The following UBE2D1 variants were observed in gnomAD, a reference collection of about 807,000 sequenced individuals.
UBE2D1 encodes ubiquitin conjugating enzyme E2 D1.
Under a neutral mutation model 24.6 loss-of-function variants are expected in UBE2D1, and 9 were observed. The ratio of observed to expected loss-of-function variants is 0.37; its 90% CI spans 0.22 to 0.64. The LOEUF (loss-of-function observed/expected upper bound fraction) is 0.64. Among genes scored for constraint, UBE2D1 ranks in the 30% least tolerant of loss-of-function variants. The pLI, the probability that UBE2D1 is intolerant of heterozygous loss-of-function variation, is 0.64. For missense variants in UBE2D1, 87 were observed against 177.1 expected, an observed-to-expected ratio of 0.49 and a Z score of 2.89; for synonymous variants, 57 against 57.6, an observed-to-expected ratio of 0.99 and a Z score of 0.04.
chr10:58,346,029 T>A (rs1052995767), intron 1 of UBE2D1, among the ~76,000 whole-genome samples: 6 of 149,110 alleles, frequency 4.0e-5, no homozygotes, highest in African/African-American at 1.0e-4. Context: ...TTTTTTTTTT[T>A]AGACGGAGTC....
intron 1 of UBE2D1, among the ~76,000 whole-genome samples, chr10:58,352,745 T>A (rs1369330008): frequency 6.6e-6 from 1 of 152,202 alleles, no homozygotes; most frequent in East Asian, 1.9e-4. Context: ...ATCACCTTAC[T>A]TTTTAATATT....
chr10:58,364,693 T>C (rs1840236833), intron 4 of UBE2D1, 78 bp from the exon 5 acceptor site: 3 of 1,026,076 alleles, frequency 2.9e-6, no homozygotes, highest in Non-Finnish European at 4.4e-6. Context: ...TATTTTACCC[T>C]AGAGCAAATT....
At chr10:58,362,885 T>A (rs1424686255) in intron 3 of UBE2D1, among the ~76,000 whole-genome samples, 1 of 152,076 alleles carries the variant, frequency 6.6e-6, no homozygotes, top group East Asian at 1.9e-4. Flanking sequence ...AAAATAGAAT[T>A]GTAGGTATAG....
intron 1 of UBE2D1, among the ~76,000 whole-genome samples, chr10:58,339,081 G>A (rs1839934206): frequency 6.6e-6 from 1 of 152,042 alleles, no homozygotes; most frequent in African/African-American, 2.4e-5. Flanking sequence ...CTCTATGGAC[G>A]GAGCATCAAA....
intron 1 of UBE2D1, among the ~76,000 whole-genome samples, chr10:58,359,335 A>C (rs537901894): frequency 6.6e-6 from 1 of 152,284 alleles, no homozygotes; most frequent in African/African-American, 2.4e-5. Flanking sequence ...AATTATTGGT[A>C]CTTAAAATAA....
chr10:58,336,090 C>T (rs16912155), intron 1 of UBE2D1, among the ~76,000 whole-genome samples: 7,399 of 152,218 alleles, frequency 0.049, 346 homozygotes, highest in African/African-American at 0.12. Context: ...TGTATGGAAT[C>T]GTCTTTTTTT....
intron 3 of UBE2D1, 85 bp downstream of exon 3, chr10:58,361,611 G>T: frequency 6.4e-7 from 1 of 1,562,226 alleles, no homozygotes; most frequent in Non-Finnish European, 8.8e-7. Flanking sequence ...TGTTTGTGAT[G>T]AAGGTTGAAT....
At chr10:58,336,039 A>G (rs1839900454) in intron 1 of UBE2D1, among the ~76,000 whole-genome samples, 1 of 152,230 alleles carries the variant, frequency 6.6e-6, no homozygotes, top group East Asian at 1.9e-4. Context: ...AGGAAGAAAT[A>G]TATATCTTCA....
intron 1 of UBE2D1, among the ~76,000 whole-genome samples, chr10:58,350,450 T>C (rs1476214990): frequency 6.6e-6 from 1 of 152,182 alleles, no homozygotes; most frequent in Non-Finnish European, 1.5e-5. Flanking sequence ...ATGTTTAAGC[T>C]GCTTTTTAAA....
At chr10:58,352,590 CGA>C (rs2132323352) in intron 1 of UBE2D1, among the ~76,000 whole-genome samples, 1 of 150,612 alleles carries the variant, frequency 6.6e-6, no homozygotes, top group African/African-American at 2.4e-5. Context: ...TCTCTTAAAT[CGA>C]AAAAAAAAAT....
chr10:58,337,478 T>C (rs1476825743), intron 1 of UBE2D1, among the ~76,000 whole-genome samples: 1 of 152,206 alleles, frequency 6.6e-6, no homozygotes, highest in African/African-American at 2.4e-5. Flanking sequence ...AGAATTCTTA[T>C]TTGAATCTTT....
intron 6 of UBE2D1, chr10:58,368,469 C>T: frequency 3.2e-6 from 1 of 308,962 alleles, no homozygotes; most frequent in Non-Finnish European, 6.0e-6. Context: ...CTGTTAGAAG[C>T]TGGTTTCTGC....
intron 1 of UBE2D1, among the ~76,000 whole-genome samples, chr10:58,338,367 A>G (rs769225077): frequency 2.6e-5 from 4 of 152,194 alleles, no homozygotes; most frequent in Non-Finnish European, 4.4e-5. Context: ...CCAGTTTTGC[A>G]TTCCAGCTCA....
At chr10:58,355,266 G>A (rs1179124901) in intron 1 of UBE2D1, among the ~76,000 whole-genome samples, 1 of 152,180 alleles carries the variant, frequency 6.6e-6, no homozygotes, top group Non-Finnish European at 1.5e-5. Flanking sequence ...TAAGAGTGTA[G>A]GTTTGGGACT....
In UBE2D1 at chr10:58,335,069, A is replaced by G; in HGVS notation, c.-133A>G. The G allele has an allele frequency of 1.1e-6, 1 of 935,584 alleles. No individual in the cohort carries two copies. The highest frequency in any genetic ancestry group is 1.6e-6 in the Non-Finnish European group (1 of 622,856). 58.0% of individuals were successfully genotyped at this position (935,584 alleles called of 1,614,324 possible). On this transcript the variant is annotated 5_prime_UTR_variant, in exon 1 of 7. Transcript: ENST00000373910. ...CAGGGACCGGCGCCCGGAGCGAGCC[A>G]GGGAGCGGCTAACCGGGGACCCACC...
intron 1 of UBE2D1, 135 bp from the exon 2 acceptor site, chr10:58,361,203 A>T: frequency 1.2e-6 from 1 of 854,154 alleles, no homozygotes; most frequent in Non-Finnish European, 1.8e-6. Flanking sequence ...GACAGAGTAC[A>T]ATTTATGTTT....
intron 6 of UBE2D1, 72 bp from the exon 7 acceptor site, chr10:58,368,647 AG>A: frequency 9.6e-7 from 1 of 1,043,134 alleles, no homozygotes. Context: ...TAGAATATAT[AG>A]TTTTATTAGA....
intron 1 of UBE2D1, among the ~76,000 whole-genome samples, chr10:58,340,377 C>G (rs1323230786): frequency 6.6e-6 from 1 of 152,134 alleles, no homozygotes; most frequent in Non-Finnish European, 1.5e-5. Context: ...GCATTTTCCT[C>G]CTTGTTCAGC....
At chr10:58,362,206 C>G (rs1382215886) in intron 3 of UBE2D1, among the ~76,000 whole-genome samples, 1 of 152,140 alleles carries the variant, frequency 6.6e-6, no homozygotes, top group Non-Finnish European at 1.5e-5. Context: ...TGAGCACTGA[C>G]AGCTCAAATC....
Sources: gnomAD v4.1 joint callset for allele counts (sites outside exome capture counted in the v4.1 genomes callset) on GRCh38, gnomAD v4.1.1 for gene constraint, MANE v1.5 for transcripts, NCBI Gene and HGNC (gene_info 2026-07-23, HGNC 2026-07-21) for gene names.